FLI1: variants seen among roughly 807,000 people sequenced by gnomAD.
FLI1 encodes the protein Fli-1 proto-oncogene, ETS transcription factor.
In FLI1, 13 loss-of-function variants were observed where a neutral mutation model predicts 53.1. That is an observed-to-expected ratio of 0.24 (90% CI 0.16 to 0.39). FLI1 has a LOEUF of 0.39. Ranked by LOEUF, FLI1 falls within the 10% of genes least tolerant of loss-of-function variation. The pLI is 1.00. For missense variants in FLI1, 424 were observed against 600.5 expected (o/e 0.71, Z 3.07); for synonymous variants, 244 against 236.7 (o/e 1.03, Z -0.28).
At position 128,740,465 on chromosome 11, in the gene FLI1, C is replaced by T. The variant is rs542564934; in HGVS notation, c.19-17650C>T. On this transcript the variant is annotated intron_variant, in intron 1 of 8. Transcript: ENST00000527786. ...ACGAGACCCCATAAATATGGTCAAC[C>T]TTGTTTCTCCTAGGCTGGCCTAATC... Among the ~76,000 whole-genome samples the T allele has an allele frequency of 5.3e-5, 8 of 152,352 alleles. No individual in the cohort carries two copies. The South Asian group carries it at 1.2e-3, about 24-fold the overall frequency.
chr11:128,726,690 G>A (rs1565468784), intron 1 of FLI1, among the ~76,000 whole-genome samples: 1 of 152,166 alleles, frequency 6.6e-6, no homozygotes, highest in Non-Finnish European at 1.5e-5. Context: ...AGACAGAGGA[G>A]GCCAAGCCCC....
intron 2 of FLI1, among the ~76,000 whole-genome samples, chr11:128,762,392 G>A (rs1256126629): frequency 1.3e-5 from 2 of 152,164 alleles, no homozygotes; most frequent in Admixed American, 1.3e-4. Flanking sequence ...GACCTGTGCT[G>A]TTCAATGCAG....
intron 3 of FLI1, among the ~76,000 whole-genome samples, chr11:128,771,889 T>G (rs1363475125): frequency 6.6e-6 from 1 of 152,150 alleles, no homozygotes; most frequent in Non-Finnish European, 1.5e-5. Flanking sequence ...TAAGGATATT[T>G]AAGGTGTTTA....
At chr11:128,712,455 T>C (rs983708476) in intron 1 of FLI1, among the ~76,000 whole-genome samples, 2 of 152,170 alleles carry the variant, frequency 1.3e-5, no homozygotes, top group Non-Finnish European at 2.9e-5. Flanking sequence ...TGTTCTATGG[T>C]ACACTGTATT....
At chr11:128,730,125 A>C (rs1939633719) in intron 1 of FLI1, among the ~76,000 whole-genome samples, 1 of 152,218 alleles carries the variant, frequency 6.6e-6, no homozygotes, top group South Asian at 2.1e-4. Flanking sequence ...TCTGTTCTCA[A>C]GTCCCACTCT....
chr11:128,715,225 A>C (rs2049418711), intron 1 of FLI1, among the ~76,000 whole-genome samples: 1 of 152,248 alleles, frequency 6.6e-6, no homozygotes, highest in Admixed American at 6.5e-5. Flanking sequence ...TTGCTAAGTG[A>C]TTAAACATAT....
chr11:128,737,860 T>C (rs1461719818), intron 1 of FLI1, among the ~76,000 whole-genome samples: 1 of 152,204 alleles, frequency 6.6e-6, no homozygotes, highest in Non-Finnish European at 1.5e-5. Flanking sequence ...CATCAAGGGC[T>C]TGCTTGGCTG....
intron 1 of FLI1, among the ~76,000 whole-genome samples, chr11:128,706,646 G>T (rs1043713282): frequency 1.3e-5 from 2 of 152,172 alleles, no homozygotes; most frequent in African/African-American, 2.4e-5. Context: ...TACAATGAGG[G>T]TGTTTTCTGG....
chr11:128,698,189 G>A lies in FLI1; in HGVS notation c.18+3913G>A, dbSNP rs188083259. On this transcript the variant is annotated intron_variant, in intron 1 of 8. Transcript: ENST00000527786. ...ATCTGGACAAGGTTTGGAAGAAGCA[G>A]CAGAGTGAGGAATACTTGGGAACAG... Among the ~76,000 whole-genome samples, 20 of 152,320 alleles carry A rather than the reference G, an allele frequency of 1.3e-4. No homozygotes were observed. In the East Asian group the frequency reaches 3.9e-3, roughly 29 times the overall value.
chr11:128,795,929 C>G (rs1393072913), intron 5 of FLI1, among the ~76,000 whole-genome samples: 1 of 152,148 alleles, frequency 6.6e-6, no homozygotes, highest in Non-Finnish European at 1.5e-5. Flanking sequence ...TTTGCTTTTC[C>G]AAACTCTTAA....
intron 1 of FLI1, among the ~76,000 whole-genome samples, chr11:128,688,433 C>G (rs949010426): frequency 1.1e-4 from 17 of 152,200 alleles, no homozygotes; most frequent in African/African-American, 2.7e-4. Context: ...GTGGCAGGGA[C>G]AATCTTGAGT....
In FLI1 at chr11:128,810,774, C is replaced by T; in HGVS notation, c.1145C>T (p.Pro382Leu). ...HPTESSMYKY[P>L]SDISYMPSYH... ...ACCGAGTCGTCCATGTACAAGTACC[C>T]TTCTGACATCTCCTACATGCCTTCC... Residue 382 changes from proline (P) to leucine (L), a missense_variant, in exon 9 of 9, where the codon CCT becomes CTT. By Grantham distance (98) the Pro-to-Leu change is moderately conservative. Coordinates refer to ENST00000527786, the MANE Select transcript of FLI1 (RefSeq NM_002017.5). The surrounding 1 kb of genome is among the most constrained non-coding windows in gnomAD (Gnocchi z 6.6). The T allele has an allele frequency of 6.2e-7, 1 of 1,614,088 alleles. No homozygotes were observed. Among genetic ancestry groups the T allele is most frequent in the Non-Finnish European group, 8.5e-7 (1 of 1,179,902 alleles).
intron 1 of FLI1, among the ~76,000 whole-genome samples, chr11:128,749,107 G>T (rs1940535141): frequency 6.6e-6 from 1 of 152,108 alleles, no homozygotes; most frequent in South Asian, 2.1e-4. Flanking sequence ...AACCTAGAAG[G>T]GTTATGCTTT....
At chr11:128,809,728 C>G (rs1942888310) in intron 8 of FLI1, among the ~76,000 whole-genome samples, 1 of 152,132 alleles carries the variant, frequency 6.6e-6, no homozygotes, top group Non-Finnish European at 1.5e-5. Flanking sequence ...CAAGAGGGTC[C>G]TTCTAAACCA....
At chr11:128,716,437 C>T (rs1939018179) in intron 1 of FLI1, among the ~76,000 whole-genome samples, 1 of 152,196 alleles carries the variant, frequency 6.6e-6, no homozygotes. Context: ...CTTTCATTTT[C>T]TCCAACCTCT....
chr11:128,766,532 G>A (rs942549265), intron 2 of FLI1, among the ~76,000 whole-genome samples: 1 of 152,082 alleles, frequency 6.6e-6, no homozygotes, highest in Non-Finnish European at 1.5e-5. Flanking sequence ...GCTATGATAA[G>A]TGATCTTCAA....
chr11:128,788,192 G>A (rs755482425), intron 5 of FLI1, among the ~76,000 whole-genome samples: 2 of 152,076 alleles, frequency 1.3e-5, no homozygotes, highest in Non-Finnish European at 2.9e-5. Context: ...TTCGGGGGCC[G>A]GGCATGGTGG....
In FLI1 at chr11:128,718,333, C is replaced by T. The variant is rs202013378; in HGVS notation, c.18+24057C>T. Among the ~76,000 whole-genome samples the T allele has an allele frequency of 7.9e-5, 12 of 152,212 alleles. No individual in the cohort carries two copies. In the East Asian group the frequency reaches 2.1e-3, roughly 27 times the overall value. ...ATGTGTGTGGTCTGAGCAAATCCTT[C>T]CACTTCTCCTAACCTTAGTTTCCTC... On this transcript the variant is annotated intron_variant, in intron 1 of 8. Coordinates refer to ENST00000527786, the MANE Select transcript of FLI1 (RefSeq NM_002017.5).
At chr11:128,735,750 C>T (rs1939886173) in intron 1 of FLI1, among the ~76,000 whole-genome samples, 1 of 152,176 alleles carries the variant, frequency 6.6e-6, no homozygotes, top group Admixed American at 6.5e-5. Flanking sequence ...CCTAGGGCTT[C>T]CTGAGCCTCC....
Sources: allele counts gnomAD v4.1 joint callset (sites outside exome capture counted in the v4.1 genomes callset), GRCh38; gene constraint gnomAD v4.1.1; non-coding constraint Gnocchi (gnomAD v3.1); transcripts MANE v1.5; gene names NCBI Gene and HGNC (gene_info 2026-07-23, HGNC 2026-07-21).